The following ATL3 variants were observed in gnomAD, a reference collection of about 807,000 sequenced individuals.
ATL3 encodes atlastin GTPase 3.
Under a neutral mutation model 69.5 loss-of-function variants are expected in ATL3, and 49 were observed. That is an observed-to-expected ratio of 0.71 (90% CI 0.56 to 0.89). ATL3 has a LOEUF of 0.89. Ranked by LOEUF, ATL3 falls within the 40% of genes least tolerant of loss-of-function variation. The pLI, the probability that ATL3 is intolerant of heterozygous loss-of-function variation, is 0.00. For synonymous variants in ATL3, 214 were observed against 224.1 expected, an observed-to-expected ratio of 0.95 and a Z score of 0.40; for missense variants, 606 against 645.7, an observed-to-expected ratio of 0.94 and a Z score of 0.67.
intron 5 of ATL3, chr11:63,650,765 G>A (rs922557940): frequency 1.3e-5 from 2 of 152,132 alleles, no homozygotes; most frequent in Admixed American, 1.3e-4. Flanking sequence ...TTCGAAAAAT[G>A]GTTGAAAGGA....
At chr11:63,654,461 G>A (rs1190405512) in intron 3 of ATL3, among the ~76,000 whole-genome samples, 4 of 151,854 alleles carry the variant, frequency 2.6e-5, no homozygotes, top group African/African-American at 9.7e-5. Flanking sequence ...ACAATGGCAC[G>A]ATCTTGGCTC....
At chr11:63,629,566 A>C (rs1291077662) in intron 12 of ATL3, among the ~76,000 whole-genome samples, 161 bp from the exon 13 acceptor site, 1 of 152,206 alleles carries the variant, frequency 6.6e-6, no homozygotes, top group Non-Finnish European at 1.5e-5. Context: ...GCAGCAGCTA[A>C]CTCCCAAGAG....
At position 63,635,516 on chromosome 11, in the gene ATL3, T is replaced by A. The variant is rs777984545; in HGVS notation, c.1035+18A>T. The stretch of plus-strand genomic sequence containing the variant: ...AGTAATTTAAGGGTAGCGTTTAGGA[T>A]GTCAAATCATTGTTTACCTGAAGCA... On this transcript the variant is annotated intron_variant, in intron 10 of 12. Coordinates refer to ENST00000398868, the MANE Select transcript of ATL3 (RefSeq NM_015459.5). 3.1e-6 allele frequency: 5 copies of A among 1,606,338 alleles called. No homozygotes were observed. The South Asian group carries it at 5.5e-5, about 18-fold the overall frequency.
intron 11 of ATL3, 134 bp from the exon 12 acceptor site, chr11:63,631,605 A>G: frequency 1.2e-6 from 1 of 819,232 alleles, no homozygotes; most frequent in Non-Finnish European, 1.9e-6. Context: ...CTTTTAAAAG[A>G]TGACTAAGAC....
intron 3 of ATL3, among the ~76,000 whole-genome samples, chr11:63,654,314 T>C (rs1206347080): frequency 1.3e-5 from 2 of 151,540 alleles, no homozygotes; most frequent in Non-Finnish European, 2.9e-5. Context: ...GCCCAGCTAA[T>C]TTTTGTATTT....
chr11:63,641,641 G>A (rs999538707), intron 8 of ATL3, among the ~76,000 whole-genome samples: 2 of 152,086 alleles, frequency 1.3e-5, no homozygotes, highest in African/African-American at 4.8e-5. Context: ...GTCTCCGGGC[G>A]GAACCAACCA....
Position 63,627,980 on chromosome 11 carries a change from GTTA to G in ATL3, c.*1336_*1338del, listed in dbSNP as rs1235275204. On this transcript the variant is annotated 3_prime_UTR_variant, in exon 13 of 13. Coordinates refer to ENST00000398868, the MANE Select transcript of ATL3 (RefSeq NM_015459.5). Reference sequence around the variant, plus strand: ...ATTCTGAATAAAGACCTTAAATCAGGTTATTAATTGCTGCTAAGCCACATGAAA... The same window carrying G: ...ATTCTGAATAAAGACCTTAAATCAGGTTAATTGCTGCTAAGCCACATGAAA... 6.6e-6 allele frequency: 1 copy of G among 152,132 alleles called. No homozygotes were observed. Among genetic ancestry groups the G allele is most frequent in the East Asian group, 1.9e-4 (1 of 5,206 alleles). 9.4% of individuals were successfully genotyped at this position (152,132 alleles called of 1,614,324 possible). A position where few individuals can be genotyped will look rare whatever the true frequency, so the allele number is the denominator to read the frequency against.
At chr11:63,658,726 T>C (rs1262091998) in intron 3 of ATL3, 35 bp downstream of exon 3, 1 of 1,567,610 alleles carries the variant, frequency 6.4e-7, no homozygotes, top group Non-Finnish European at 8.6e-7. Flanking sequence ...TTTGTTGTTG[T>C]TGTTGTTAAT....
intron 1 of ATL3, 57 bp from the exon 2 acceptor site, chr11:63,659,309 T>C (rs1415454423): frequency 6.6e-6 from 10 of 1,519,458 alleles, no homozygotes; most frequent in Non-Finnish European, 9.1e-6. Flanking sequence ...TGTTTTTGAA[T>C]ATAGGGAAAA....
At chr11:63,657,052 A>G (rs1321618769) in intron 3 of ATL3, among the ~76,000 whole-genome samples, 1 of 151,846 alleles carries the variant, frequency 6.6e-6, no homozygotes, top group African/African-American at 2.4e-5. Flanking sequence ...TCTACTAAAA[A>G]TACAAAAATT....
At position 63,655,844 on chromosome 11, in the gene ATL3, G is replaced by GA. The variant is rs1219103783; in HGVS notation, c.405+2916dup. On this transcript the variant is annotated intron_variant, in intron 3 of 12. Coordinates refer to ENST00000398868, the MANE Select transcript of ATL3 (RefSeq NM_015459.5). The stretch of plus-strand genomic sequence containing the variant: ...GAGTAACAGACCAAAAAAACTTGAA[G>GA]AAATAATAACCTTAAAATGTCCAAA... Among the ~76,000 whole-genome samples the GA allele has an allele frequency of 4.6e-4, 70 of 152,106 alleles. 4 individuals are homozygous for GA. The highest frequency in any genetic ancestry group is 2.9e-5 in the Non-Finnish European group (2 of 68,030).
chr11:63,636,129 T>A, intron 9 of ATL3, 78 bp downstream of exon 9: 2 of 1,548,160 alleles, frequency 1.3e-6, no homozygotes, highest in South Asian at 2.5e-5. Context: ...TTTCAAAATA[T>A]TTAAATTCAA....
At chr11:63,632,538 TTA>T in intron 11 of ATL3, 2 of 863,774 alleles carry the variant, frequency 2.3e-6, no homozygotes, top group Non-Finnish European at 4.0e-6. Context: ...AAAGCTACAG[TTA>T]TGTCCCAGTG....
chr11:63,642,757 AC>A (rs747837363), intron 8 of ATL3, among the ~76,000 whole-genome samples: 8 of 152,234 alleles, frequency 5.3e-5, no homozygotes, highest in African/African-American at 7.2e-5. Context: ...TGCAAACATT[AC>A]CAGGAATCTG....
At chr11:63,653,466 A>G (rs1023623859) in intron 3 of ATL3, among the ~76,000 whole-genome samples, 2 of 150,184 alleles carry the variant, frequency 1.3e-5, no homozygotes, top group African/African-American at 2.4e-5. Flanking sequence ...TTTTGTCCCA[A>G]AAAAAAAAAA....
At chr11:63,631,937 G>A (rs1308804718) in intron 11 of ATL3, among the ~76,000 whole-genome samples, 1 of 152,082 alleles carries the variant, frequency 6.6e-6, no homozygotes, top group African/African-American at 2.4e-5. Context: ...AGCCGAGATC[G>A]CACCACTGCA....
intron 1 of ATL3, among the ~76,000 whole-genome samples, chr11:63,666,723 T>A (rs1940584540): frequency 6.6e-6 from 1 of 152,068 alleles, no homozygotes; most frequent in Admixed American, 6.5e-5. Flanking sequence ...TTGTCAGGAA[T>A]CTTAAACTCT....
chr11:63,626,466 T>G lies in ATL3; in HGVS notation c.*2853A>C, dbSNP rs1344250322. ...TTGTCTCATTTTATCTATGAGCCAA[T>G]CTTACAGAAAGATTTCTCAAAGAAT... On this transcript the variant is annotated 3_prime_UTR_variant, in exon 13 of 13. Coordinates refer to ENST00000398868, the MANE Select transcript of ATL3 (RefSeq NM_015459.5). 6.6e-6 allele frequency: 1 copy of G among 152,226 alleles called. No homozygotes were observed. Among genetic ancestry groups the G allele is most frequent in the Admixed American group, 6.5e-5 (1 of 15,270 alleles). The allele number at this position is 152,226 out of a possible 1,614,324, so 9.4% of individuals were successfully genotyped here. A position where few individuals can be genotyped will look rare whatever the true frequency, so the allele number is the denominator to read the frequency against.
chr11:63,669,015 G>T lies in ATL3; in HGVS notation c.46+2275C>A, dbSNP rs983300077. 4.1e-3 allele frequency among the ~76,000 whole-genome samples: 366 copies of T among 89,560 alleles called. 15 individuals carry two copies. Among genetic ancestry groups the T allele is most frequent in the African/African-American group, 0.014 (325 of 23,034 alleles). The allele number at this position is 89,560 out of a possible 152,430, so 58.8% of individuals were successfully genotyped here. On this transcript the variant is annotated intron_variant, in intron 1 of 12. Transcript: ENST00000398868. The stretch of plus-strand genomic sequence containing the variant: ...ACTTTTTTTTAATTTTTTTTTGGGT[G>T]GGGGGGGGCGTCTCACCATGTTGGC...
Sources: allele counts gnomAD v4.1 joint callset (sites outside exome capture counted in the v4.1 genomes callset), GRCh38; gene constraint gnomAD v4.1.1; transcripts MANE v1.5; gene names NCBI Gene and HGNC (gene_info 2026-07-23, HGNC 2026-07-21).